DYSF: variants seen among roughly 807,000 people sequenced by gnomAD.
DYSF encodes the protein dystrophy-associated fer-1-like 1.
In DYSF, 212 loss-of-function variants were observed where a neutral mutation model predicts 274.9. The observed-to-expected ratio is 0.77, with a 90% CI of 0.69 to 0.86. The LOEUF is 0.86. Ranked by LOEUF, DYSF falls within the 40% of genes least tolerant of loss-of-function variation. DYSF has a pLI of 0.00. For missense variants in DYSF, 2,666 were observed against 2,783.2 expected, an observed-to-expected ratio of 0.96 and a Z score of 0.95; for synonymous variants, 1,091 against 1,078.7, an observed-to-expected ratio of 1.01 and a Z score of -0.22.
intron 26 of DYSF, among the ~76,000 whole-genome samples, chr2:71,568,973 C>T (rs1392117249): frequency 5.3e-5 from 8 of 151,866 alleles, no homozygotes; most frequent in Non-Finnish European, 1.0e-4. Context: ...CCCGGGTTCA[C>T]GCCATTCTCC....
chr2:71,624,769 G>A (rs999697375), intron 41 of DYSF, among the ~76,000 whole-genome samples: 1 of 152,098 alleles, frequency 6.6e-6, no homozygotes, highest in African/African-American at 2.4e-5. Context: ...TATATGTTTT[G>A]AATTATAGAA....
At chr2:71,465,343 G>A (rs956720511), upstream of DYSF, among the ~76,000 whole-genome samples, 5 of 152,172 alleles carry the variant, frequency 3.3e-5, no homozygotes, top group East Asian at 1.9e-4. Flanking sequence ...GAGGGCGGGC[G>A]TTAGAAGGAG....
In DYSF at chr2:71,626,251, T is replaced by C. The variant is rs77418691; in HGVS notation, c.4527+5642T>C. On this transcript the variant is annotated intron_variant, in intron 41 of 55. Transcript: ENST00000410020. ...AATGAATGTTTTTATGTTTTACCAC[T>C]GATCATCAAATTTATCAGGTGAACC... Among the ~76,000 whole-genome samples, 1,155 of 152,044 alleles carry C rather than the reference T, an allele frequency of 7.6e-3. 18 individuals are homozygous for C. Among genetic ancestry groups the C allele is most frequent in the African/African-American group, 0.027 (1,102 of 41,568 alleles).
chr2:71,610,172 T>C (rs552280536), intron 36 of DYSF, among the ~76,000 whole-genome samples: 1 of 152,352 alleles, frequency 6.6e-6, no homozygotes, highest in East Asian at 1.9e-4. Context: ...TCAGAAAATA[T>C]GACAACTTTC....
At chr2:71,685,444 C>G (rs1424233260) in intron 55 of DYSF, among the ~76,000 whole-genome samples, 2 of 152,206 alleles carry the variant, frequency 1.3e-5, no homozygotes, top group South Asian at 2.1e-4. Flanking sequence ...ATCCTGCCTC[C>G]TTCCACCCAA....
upstream of DYSF, among the ~76,000 whole-genome samples, chr2:71,465,607 T>C (rs1043788717): frequency 6.6e-6 from 1 of 152,114 alleles, no homozygotes; most frequent in African/African-American, 2.4e-5. Context: ...TTCGCCAGGG[T>C]TATGGCTTAG....
chr2:71,656,206 G>C lies in DYSF; in HGVS notation c.4671G>C (p.Leu1557=). 1 of 1,614,230 alleles carries C rather than the reference G, an allele frequency of 6.2e-7. No individual in the cohort carries two copies. Residue 1557 remains leucine, a synonymous_variant, in exon 43 of 56, where the codon CTG becomes CTC. Coordinates refer to ENST00000410020, the MANE Select transcript of DYSF (RefSeq NM_001130987.2). Reference sequence around the variant, plus strand: ...AGAATGTGGAGGCCTTTGAGGGCCTGTCTGACTTTTGTAACACCTTCAAGC... The same window carrying C: ...AGAATGTGGAGGCCTTTGAGGGCCTCTCTGACTTTTGTAACACCTTCAAGC... The part of the protein sequence containing the change: ...QLENVEAFEG[L]SDFCNTFKLY...
At chr2:71,521,786 C>T (rs537115091) in intron 12 of DYSF, among the ~76,000 whole-genome samples, 15 of 152,176 alleles carry the variant, frequency 9.9e-5, no homozygotes, top group Admixed American at 7.2e-4. Flanking sequence ...GGGTGCTGTC[C>T]GCCTCTTCCT....
intron 16 of DYSF, among the ~76,000 whole-genome samples, chr2:71,537,795 G>T (rs555829827): frequency 2.5e-4 from 38 of 152,226 alleles, no homozygotes; most frequent in African/African-American, 9.2e-4. Context: ...AATGGGGCTG[G>T]GATGTGTCAT....
upstream of DYSF, among the ~76,000 whole-genome samples, chr2:71,465,351 G>T (rs111787680): frequency 3.3e-5 from 5 of 152,168 alleles, no homozygotes; most frequent in African/African-American, 1.2e-4. Flanking sequence ...GCGTTAGAAG[G>T]AGACTGGGGA....
In DYSF at chr2:71,600,821, T is replaced by A; in HGVS notation, c.3876T>A (p.Phe1292Leu). 1 of 1,612,388 alleles carries A rather than the reference T, an allele frequency of 6.2e-7. No individual in the cohort carries two copies. Among genetic ancestry groups the A allele is most frequent in the Non-Finnish European group, 8.5e-7 (1 of 1,179,904 alleles). Residue 1292 changes from phenylalanine (F) to leucine (L), a missense_variant, in exon 34 of 56, where the codon TTT (phenylalanine) becomes TTA (leucine). Coordinates refer to ENST00000410020, the MANE Select transcript of DYSF (RefSeq NM_001130987.2). ...CGTCGGGGGAGCTGCTGGCCTCTTT[T>A]GAGCTCATCCAGAGAGAGAAGGTGA... is the stretch of plus-strand genomic sequence containing the variant. ...SQPSGELLAS[F>L]ELIQREKPAI...
At chr2:71,459,715 C>T (rs1573235314) in intron 1 of DYSF, among the ~76,000 whole-genome samples, 1 of 152,192 alleles carries the variant, frequency 6.6e-6, no homozygotes, top group Admixed American at 6.5e-5. Flanking sequence ...CCAGTGACCG[C>T]TTCTGAGACA....
At chr2:71,574,593 A>G (rs562267986) in intron 30 of DYSF, among the ~76,000 whole-genome samples, 7 of 152,282 alleles carry the variant, frequency 4.6e-5, no homozygotes, top group Middle Eastern at 3.4e-3. Context: ...TGGCACTGAA[A>G]CACTTGCTGC....
At chr2:71,608,564 G>C (rs371142120) in intron 36 of DYSF, among the ~76,000 whole-genome samples, 1 of 152,094 alleles carries the variant, frequency 6.6e-6, no homozygotes, top group African/African-American at 2.4e-5. Context: ...CGCTGGGCCC[G>C]ACGCTCCGCA....
intron 53 of DYSF, 21 bp downstream of exon 53, chr2:71,679,256 C>T: frequency 1.9e-6 from 3 of 1,610,946 alleles, no homozygotes; most frequent in Non-Finnish European, 2.5e-6. Context: ...TTCCTCCAGC[C>T]CCAGTGGAGG....
At chr2:71,498,312 C>T (rs556289420) in intron 3 of DYSF, among the ~76,000 whole-genome samples, 2 of 152,286 alleles carry the variant, frequency 1.3e-5, no homozygotes, top group Admixed American at 1.3e-4. Context: ...TTAGCGAGAT[C>T]TGGCCTGCCA....
intron 55 of DYSF, among the ~76,000 whole-genome samples, chr2:71,686,190 G>A (rs573859991): frequency 4.9e-4 from 74 of 152,232 alleles, no homozygotes; most frequent in Non-Finnish European, 9.6e-4. Context: ...GTGGGAGGGT[G>A]CGGGTGGAGT....
chr2:71,614,590 CTT>C (rs2093841774), intron 40 of DYSF, among the ~76,000 whole-genome samples: 1 of 152,122 alleles, frequency 6.6e-6, no homozygotes, highest in Non-Finnish European at 1.5e-5. Flanking sequence ...ACTTGCCTAT[CTT>C]TGGGTCACTG....
intron 15 of DYSF, 83 bp from the exon 16 acceptor site, chr2:71,535,185 C>A: frequency 6.3e-7 from 1 of 1,596,748 alleles, no homozygotes; most frequent in Non-Finnish European, 8.6e-7. Context: ...CTGCCAGTAT[C>A]CCAGACTTCA....
Sources: gnomAD v4.1 joint callset for allele counts (sites outside exome capture counted in the v4.1 genomes callset) on GRCh38, gnomAD v4.1.1 for gene constraint, MANE v1.5 for transcripts, NCBI Gene and HGNC (gene_info 2026-07-23, HGNC 2026-07-21) for gene names.